The following SYK variants were observed in gnomAD, a reference collection of about 807,000 sequenced individuals.
The protein encoded by SYK is tyrosine-protein kinase SYK.
SYK carries 16 observed loss-of-function variants against 77.8 expected under a neutral mutation model. That is an observed-to-expected ratio of 0.21 (90% CI 0.14 to 0.31). The LOEUF is 0.31. Among genes scored for constraint, SYK ranks in the 10% least tolerant of loss-of-function variants. The pLI is 1.00. For missense variants in SYK, 529 were observed against 814.4 expected (o/e 0.65, Z 4.26); for synonymous variants, 312 against 308.7 (o/e 1.01, Z -0.11).
intron 3 of SYK, among the ~76,000 whole-genome samples, chr9:90,850,313 C>T (rs1234508015): frequency 6.6e-6 from 1 of 152,134 alleles, no homozygotes; most frequent in African/African-American, 2.4e-5. Context: ...GTCTAGAGAT[C>T]AAGACCATCC....
At chr9:90,846,163 A>C (rs1826584610) in intron 3 of SYK, among the ~76,000 whole-genome samples, 1 of 152,190 alleles carries the variant, frequency 6.6e-6, no homozygotes, top group South Asian at 2.1e-4. Context: ...GTAAATCTAA[A>C]TTGTAGAAGG....
chr9:90,885,812 A>G (rs907140891), intron 11 of SYK, among the ~76,000 whole-genome samples: 2 of 152,216 alleles, frequency 1.3e-5, no homozygotes, highest in Non-Finnish European at 2.9e-5. Flanking sequence ...CCATAAAGGA[A>G]CCACCATTAG....
In SYK at chr9:90,887,405, C is replaced by CTTTTTT. The variant is rs3056951; in HGVS notation, c.1582-333_1582-328dup. ...CACAATTTTATGCTTTTCTTTCTTTCTTTTTTTTTTTTTTTTGAGATGGAG... is the reference window on the plus strand; with the variant it reads ...CACAATTTTATGCTTTTCTTTCTTTCTTTTTTTTTTTTTTTTTTTTTTGAGATGGAG... On this transcript the variant is annotated intron_variant, in intron 11 of 13. Coordinates refer to ENST00000375754, the MANE Select transcript of SYK (RefSeq NM_003177.7). 8.8e-4 allele frequency among the ~76,000 whole-genome samples: 113 copies of CTTTTTT among 128,868 alleles called. 3 individuals are homozygous for CTTTTTT. The highest frequency in any genetic ancestry group is 1.1e-3 in the Non-Finnish European group (68 of 62,854). The allele number at this position is 128,868 out of a possible 152,430, so 84.5% of individuals were successfully genotyped here.
At chr9:90,855,679 T>TGG (rs1193162500) in intron 3 of SYK, among the ~76,000 whole-genome samples, 1 of 151,676 alleles carries the variant, frequency 6.6e-6, no homozygotes, top group Non-Finnish European at 1.5e-5. Context: ...TGTGTGTGTG[T>TGG]GTGTGTGTGG....
intron 1 of SYK, among the ~76,000 whole-genome samples, chr9:90,803,825 T>G (rs764799513): frequency 6.6e-6 from 1 of 152,216 alleles, no homozygotes; most frequent in Non-Finnish European, 1.5e-5. Context: ...AACATACATG[T>G]TGACCCTGCT....
chr9:90,820,344 C>A (rs913653394), intron 1 of SYK, among the ~76,000 whole-genome samples: 19 of 152,254 alleles, frequency 1.2e-4, no homozygotes, highest in Non-Finnish European at 1.9e-4. Context: ...CTGTGCTGTC[C>A]TAGCAGAGGT....
intron 1 of SYK, among the ~76,000 whole-genome samples, chr9:90,836,015 G>A (rs999424751): frequency 2.6e-5 from 4 of 152,258 alleles, no homozygotes; most frequent in East Asian, 1.9e-4. Flanking sequence ...TTGGCCGGGC[G>A]CTGTGGCTCA....
intron 1 of SYK, among the ~76,000 whole-genome samples, chr9:90,816,219 T>C (rs777296560): frequency 4.6e-5 from 7 of 152,194 alleles, no homozygotes; most frequent in Non-Finnish European, 8.8e-5. Context: ...CATTGGCAGT[T>C]TTAGGACACA....
At position 90,896,515 on chromosome 9, in the gene SYK, T is replaced by C. The variant is rs1334122515; in HGVS notation, c.*915T>C. 1 of 232,400 alleles carries C rather than the reference T, an allele frequency of 4.3e-6. No individual in the cohort carries two copies. The highest frequency in any genetic ancestry group is 5.6e-5 in the Admixed American group (1 of 17,762). 14.4% of individuals were successfully genotyped at this position (232,400 alleles called of 1,614,324 possible). A position where few individuals can be genotyped will look rare whatever the true frequency, so the allele number is the denominator to read the frequency against. ...GGGTGCCGCCAGAATCCCCTGTCGC[T>C]TTCTGTGTCTGCAATGGGGGGCAGC... On this transcript the variant is annotated 3_prime_UTR_variant, in exon 14 of 14. Coordinates refer to ENST00000375754, the MANE Select transcript of SYK (RefSeq NM_003177.7).
At chr9:90,858,875 AC>A (rs1271004920) in intron 3 of SYK, among the ~76,000 whole-genome samples, 1 of 152,044 alleles carries the variant, frequency 6.6e-6, no homozygotes, top group East Asian at 1.9e-4. Context: ...CCTTCCAGTT[AC>A]CTGTTGCCAG....
chr9:90,827,177 G>A (rs529883613), intron 1 of SYK, among the ~76,000 whole-genome samples: 147 of 152,110 alleles, frequency 9.7e-4, no homozygotes, highest in Non-Finnish European at 1.7e-3. Flanking sequence ...AAACACTTGG[G>A]AAAGGGCATT....
intron 1 of SYK, among the ~76,000 whole-genome samples, chr9:90,804,545 A>G (rs1355166074): frequency 6.6e-6 from 1 of 152,104 alleles, no homozygotes; most frequent in Non-Finnish European, 1.5e-5. Context: ...TGGTTTTAAC[A>G]TTTTCCACTA....
intron 13 of SYK, among the ~76,000 whole-genome samples, chr9:90,891,248 C>A (rs1375317367): frequency 1.3e-5 from 2 of 151,152 alleles, no homozygotes; most frequent in Non-Finnish European, 2.9e-5. Context: ...CGGGTTCACA[C>A]CATACTCCTG....
intron 1 of SYK, among the ~76,000 whole-genome samples, chr9:90,821,615 G>T (rs1013257715): frequency 6.6e-6 from 1 of 152,180 alleles, no homozygotes; most frequent in Non-Finnish European, 1.5e-5. Context: ...TTCAAGTTGA[G>T]ATTTGGGTGA....
intron 1 of SYK, among the ~76,000 whole-genome samples, chr9:90,833,558 C>G (rs1234554999): frequency 6.6e-6 from 1 of 152,172 alleles, no homozygotes; most frequent in Non-Finnish European, 1.5e-5. Context: ...ACAGCTTGTT[C>G]AGCTGCTTGC....
intron 9 of SYK, 136 bp from the exon 10 acceptor site, chr9:90,877,435 C>T: frequency 1.1e-6 from 1 of 917,468 alleles, no homozygotes; most frequent in South Asian, 1.7e-5. Flanking sequence ...TTACAGGCTT[C>T]TGAAGACACA....
At chr9:90,814,789 T>C (rs944192780) in intron 1 of SYK, among the ~76,000 whole-genome samples, 13 of 152,002 alleles carry the variant, frequency 8.6e-5, no homozygotes, top group Non-Finnish European at 1.6e-4. Context: ...CTGGCCCTTT[T>C]CATCCCCAAG....
intron 1 of SYK, among the ~76,000 whole-genome samples, chr9:90,815,954 G>A (rs750716814): frequency 5.9e-5 from 9 of 152,214 alleles, no homozygotes; most frequent in Non-Finnish European, 1.2e-4. Context: ...AGCTTTACAA[G>A]GGAGAGATTC....
chr9:90,861,444 G>A (rs2118777107), intron 3 of SYK, among the ~76,000 whole-genome samples: 1 of 152,264 alleles, frequency 6.6e-6, no homozygotes, highest in Middle Eastern at 3.4e-3. Flanking sequence ...TTCTCCTGGG[G>A]GTGTTACCCG....
Sources: allele counts gnomAD v4.1 joint callset (sites outside exome capture counted in the v4.1 genomes callset), GRCh38; gene constraint gnomAD v4.1.1; transcripts MANE v1.5; gene names NCBI Gene and HGNC (gene_info 2026-07-23, HGNC 2026-07-21).